WDR72: variants seen among roughly 807,000 people sequenced by gnomAD.
WDR72 encodes the protein WD repeat domain 72.
WDR72 carries 120 observed loss-of-function variants against 124.2 expected under a neutral mutation model. The observed-to-expected ratio is 0.97, with a 90% confidence interval of 0.83 to 1.12. The LOEUF (loss-of-function observed/expected upper bound fraction) is 1.12, where lower values mean the gene tolerates loss of function less well. Ranked by LOEUF, WDR72 falls within the 50% of genes most tolerant of loss-of-function variation. The pLI, the probability that WDR72 is intolerant of heterozygous loss-of-function variation, is 0.00. For synonymous variants in WDR72, 452 were observed against 441.7 expected (o/e 1.02, Z -0.29); for missense variants, 1,387 against 1,278.8 (o/e 1.08, Z -1.29).
At position 53,711,324 on chromosome 15, in the gene WDR72, A is replaced by C; in HGVS notation, c.857+12T>G. 7 of 1,614,136 alleles carry C rather than the reference A, an allele frequency of 4.3e-6. No individual in the cohort carries two copies. Among genetic ancestry groups the C allele is most frequent in the Non-Finnish European group, 5.9e-6 (7 of 1,180,028 alleles). On this transcript the variant is annotated intron_variant, in intron 8 of 19. Transcript: ENST00000360509. ...CCTGAATGTTTTGTATGCCGCTCCCATCTGAGCCCACCTGTTCAGCAGCTG... is the reference window on the plus strand; with the variant it reads ...CCTGAATGTTTTGTATGCCGCTCCCCTCTGAGCCCACCTGTTCAGCAGCTG...
intron 18 of WDR72, among the ~76,000 whole-genome samples, chr15:53,530,191 A>G (rs183780678): frequency 7.3e-5 from 11 of 151,344 alleles, no homozygotes; most frequent in Admixed American, 6.6e-4. Context: ...TATACAAAAT[A>G]AGAAACATTA....
At chr15:53,617,265 A>T (rs906316952) in intron 14 of WDR72, among the ~76,000 whole-genome samples, 1 of 151,806 alleles carries the variant, frequency 6.6e-6, no homozygotes, top group Non-Finnish European at 1.5e-5. Context: ...ATAAATATAC[A>T]TATATAGGGA....
At chr15:53,564,026 T>G (rs530513294) in intron 18 of WDR72, among the ~76,000 whole-genome samples, 5 of 151,880 alleles carry the variant, frequency 3.3e-5, no homozygotes, top group Non-Finnish European at 7.4e-5. Flanking sequence ...AGATATTCTT[T>G]AGGATCTTCT....
chr15:53,761,512 G>T (rs1184579714), upstream of WDR72, among the ~76,000 whole-genome samples: 2 of 152,148 alleles, frequency 1.3e-5, no homozygotes, highest in East Asian at 1.9e-4. Context: ...AGATCTTTTG[G>T]TAAGGGATGG....
At chr15:53,605,811 T>C (rs1015144906) in intron 17 of WDR72, among the ~76,000 whole-genome samples, 5 of 151,932 alleles carry the variant, frequency 3.3e-5, no homozygotes, top group Non-Finnish European at 7.4e-5. Context: ...GCCGAGATCA[T>C]GCCACTGCAC....
chr15:53,519,015 A>G (rs1891632925), intron 19 of WDR72, among the ~76,000 whole-genome samples: 1 of 152,090 alleles, frequency 6.6e-6, no homozygotes, highest in African/African-American at 2.4e-5. Context: ...TTGGACTTCT[A>G]ATTCTCTCTT....
chr15:53,752,539 C>T (rs924470140), intron 1 of WDR72, among the ~76,000 whole-genome samples: 2 of 152,166 alleles, frequency 1.3e-5, no homozygotes, highest in Non-Finnish European at 2.9e-5. Flanking sequence ...CTAAGTGAGA[C>T]ATGGGACAGA....
intron 18 of WDR72, among the ~76,000 whole-genome samples, chr15:53,541,509 A>T (rs879023647): frequency 6.6e-6 from 1 of 151,180 alleles, no homozygotes; most frequent in Admixed American, 6.6e-5. Context: ...CCATCATCAA[A>T]GAGCAAAAGT....
intron 13 of WDR72, among the ~76,000 whole-genome samples, chr15:53,695,884 C>T (rs189288512): frequency 3.3e-5 from 5 of 152,234 alleles, no homozygotes; most frequent in East Asian, 3.9e-4. Context: ...TCGTGAAAAA[C>T]GCAAGAGGCC....
At chr15:53,729,667 T>G (rs539377623) in intron 2 of WDR72, among the ~76,000 whole-genome samples, 1 of 152,128 alleles carries the variant, frequency 6.6e-6, no homozygotes, top group Non-Finnish European at 1.5e-5. Flanking sequence ...ACACTTGTCA[T>G]TGCCTGTGTT....
chr15:53,736,249 T>C (rs1026900724), intron 1 of WDR72, among the ~76,000 whole-genome samples: 1 of 152,094 alleles, frequency 6.6e-6, no homozygotes, highest in South Asian at 2.1e-4. Context: ...GAGTGGAGTG[T>C]TGGAGTTCAA....
At chr15:53,614,120 G>C (rs189264452) in intron 15 of WDR72, among the ~76,000 whole-genome samples, 1 of 152,016 alleles carries the variant, frequency 6.6e-6, no homozygotes, top group Admixed American at 6.6e-5. Flanking sequence ...GTTCACATCT[G>C]TCAAAGAATT....
intron 3 of WDR72, among the ~76,000 whole-genome samples, chr15:53,720,714 T>G (rs998187443): frequency 6.6e-6 from 1 of 152,208 alleles, no homozygotes; most frequent in African/African-American, 2.4e-5. Context: ...GTAAATAAAC[T>G]GCTTTTTCTC....
At chr15:53,753,218 C>T (rs2018816492) in intron 1 of WDR72, among the ~76,000 whole-genome samples, 1 of 152,146 alleles carries the variant, frequency 6.6e-6, no homozygotes, top group Non-Finnish European at 1.5e-5. Flanking sequence ...GAAGTCAGTC[C>T]ACTGTAATTA....
chr15:53,515,030 CATATATATGTGT>C lies in WDR72; in HGVS notation c.*2657_*2668del, dbSNP rs1029327118. On this transcript the variant is annotated 3_prime_UTR_variant, in exon 20 of 20. Coordinates refer to ENST00000360509, the MANE Select transcript of WDR72 (RefSeq NM_182758.4). ...TGCCATATATATATATATATACACACATATATATGTGTATATATATGTGTGTATATATATACA... is the reference window on the plus strand; with the variant it reads ...TGCCATATATATATATATATACACACATATATATGTGTGTATATATATACA... The C allele has an allele frequency of 2.6e-5, 3 of 117,016 alleles. No homozygotes were observed. The highest frequency in any genetic ancestry group is 1.8e-4 in the Admixed American group (2 of 11,190). 7.2% of individuals were successfully genotyped at this position (117,016 alleles called of 1,614,324 possible).
rs544564429 is a variant in WDR72 at position 53,699,665 on chromosome 15, G to A, written c.1765+85C>T. 964 of 1,440,762 alleles carry A rather than the reference G, an allele frequency of 6.7e-4. 1 individual carries two copies. The highest frequency in any genetic ancestry group is 1.4e-3 in the Admixed American group (85 of 58,846). 89.2% of individuals were successfully genotyped at this position (1,440,762 alleles called of 1,614,324 possible). On this transcript the variant is annotated intron_variant, in intron 13 of 19. Transcript: ENST00000360509. ...GGTTAAAGCAAGTGAGGTCATCACC[G>A]TGTCTTCTCTGAAACTTTCCATCTG...
At chr15:53,738,598 G>C (rs962439764) in intron 1 of WDR72, among the ~76,000 whole-genome samples, 1 of 151,926 alleles carries the variant, frequency 6.6e-6, no homozygotes, top group Non-Finnish European at 1.5e-5. Flanking sequence ...TTGTTTGTTT[G>C]TTTGTTTGTT....
At chr15:53,625,530 T>C (rs1324020992) in intron 14 of WDR72, among the ~76,000 whole-genome samples, 3 of 152,218 alleles carry the variant, frequency 2.0e-5, no homozygotes, top group Non-Finnish European at 4.4e-5. Flanking sequence ...CTGATACATC[T>C]ACATGTGAAT....
rs182167939 is a variant in WDR72, at chr15:53,719,934, T to C, written c.260+2868A>G. Among the ~76,000 whole-genome samples, 289 of 152,266 alleles carry C rather than the reference T, an allele frequency of 1.9e-3. 1 individual carries two copies. The highest frequency in any genetic ancestry group is 0.01 in the Middle Eastern group (3 of 294). Reference sequence around the variant, plus strand: ...TTTATTAATAAGTTATAAACCTTTCTATTGGGGCCAAGGCTTTTTGCCTTA... The same window carrying C: ...TTTATTAATAAGTTATAAACCTTTCCATTGGGGCCAAGGCTTTTTGCCTTA... On this transcript the variant is annotated intron_variant, in intron 3 of 19. Transcript: ENST00000360509.
Sources: allele counts gnomAD v4.1 joint callset (sites outside exome capture counted in the v4.1 genomes callset), GRCh38; gene constraint gnomAD v4.1.1; transcripts MANE v1.5; gene names NCBI Gene and HGNC (gene_info 2026-07-23, HGNC 2026-07-21).